The following RBM4B variants were observed in gnomAD, a reference collection of about 807,000 sequenced individuals.
The protein encoded by RBM4B is RNA binding motif protein 4B, also known as RNA-binding protein 4B.
Under a neutral mutation model 28.5 loss-of-function variants are expected in RBM4B, and 13 were observed. The ratio of observed to expected loss-of-function variants is 0.46; its 90% CI spans 0.30 to 0.72. The LOEUF (loss-of-function observed/expected upper bound fraction) is 0.72, where lower values mean the gene tolerates loss of function less well. Among genes scored for constraint, RBM4B ranks in the 30% least tolerant of loss-of-function variants. The pLI, the probability that RBM4B is intolerant of heterozygous loss-of-function variation, is 0.09. For synonymous variants in RBM4B, 167 were observed against 179.1 expected (o/e 0.93, Z 0.54); for missense variants, 387 against 477.6 (o/e 0.81, Z 1.77).
chr11:66,667,419 C>G (rs1430535744), intron 3 of RBM4B: 1 of 152,096 alleles, frequency 6.6e-6, no homozygotes, highest in Non-Finnish European at 1.5e-5. Context: ...TTCCTCTCTT[C>G]AACAACAAAA....
intron 2 of RBM4B, among the ~76,000 whole-genome samples, chr11:66,674,217 T>C (rs1205289119): frequency 6.6e-6 from 1 of 151,204 alleles, no homozygotes; most frequent in Non-Finnish European, 1.5e-5. Context: ...AGCTTTTCTT[T>C]TTCTTTTCTT....
intron 2 of RBM4B, 27 bp downstream of exon 2, chr11:66,676,641 C>G (rs777996612): frequency 6.0e-5 from 96 of 1,610,858 alleles, no homozygotes; most frequent in Non-Finnish European, 8.0e-5. Flanking sequence ...CCACTCGGCG[C>G]TACTACCCAG....
chr11:66,671,580 A>AT (rs1056477430), intron 2 of RBM4B, among the ~76,000 whole-genome samples: 7 of 152,196 alleles, frequency 4.6e-5, no homozygotes, highest in African/African-American at 1.7e-4. Flanking sequence ...TTCTGGGTCC[A>AT]TTTTTTGGAG....
At chr11:66,671,832 G>T (rs909320064) in intron 2 of RBM4B, among the ~76,000 whole-genome samples, 8 of 151,968 alleles carry the variant, frequency 5.3e-5, no homozygotes, top group African/African-American at 1.7e-4. Context: ...CCTCCACCTC[G>T]CGGGTTCAAG....
intron 2 of RBM4B, chr11:66,670,907 A>G (rs1474664290): frequency 5.7e-6 from 4 of 702,456 alleles, no homozygotes; most frequent in Non-Finnish European, 1.0e-5. Flanking sequence ...CCCCTCTGCA[A>G]TCAGCAAGTT....
Position 66,669,070 on chromosome 11 carries a change from T to C in RBM4B, c.634A>G (p.Asn212Asp), listed in dbSNP as rs1358178106. Residue 212 changes from asparagine (N) to aspartate (D), a missense_variant, in exon 3 of 4, where the codon AAC (asparagine) becomes GAC (aspartate). By Grantham distance (23) the Asn-to-Asp change is conservative (BLOSUM62 1). Coordinates refer to ENST00000310046, the MANE Select transcript of RBM4B (RefSeq NM_031492.4). ...TAGTCGAGTGCTCCATATGCATCGT[T>C]GTAATACATGGATTCCCCGTAGCCC... ...TMGYGESMYYNDAYGALDYYK... is the reference protein window; with the variant it reads ...TMGYGESMYYDDAYGALDYYK... The C allele has an allele frequency of 6.2e-7, 1 of 1,614,064 alleles. No individual in the cohort carries two copies. Among genetic ancestry groups the C allele is most frequent in the Non-Finnish European group, 8.5e-7 (1 of 1,180,042 alleles).
chr11:66,673,142 T>TA (rs1939524604), intron 2 of RBM4B, among the ~76,000 whole-genome samples: 1 of 151,490 alleles, frequency 6.6e-6, no homozygotes, highest in South Asian at 2.1e-4. Flanking sequence ...ATGTAGCTAA[T>TA]ACAGAGTAGT....
chr11:66,665,788 T>C, intron 3 of RBM4B: 2 of 1,390,544 alleles, frequency 1.4e-6, no homozygotes, highest in Non-Finnish European at 1.9e-6. Context: ...GCTATATATA[T>C]AGGACAAGAT....
At chr11:66,665,902 GCATA>G (rs1465011626) in intron 3 of RBM4B, 1 of 1,535,444 alleles carries the variant, frequency 6.5e-7, no homozygotes, top group Non-Finnish European at 8.7e-7. Context: ...GTAACAAAGG[GCATA>G]CATACATTTT....
intron 3 of RBM4B, 182 bp from the exon 4 acceptor site, chr11:66,665,760 T>A: frequency 7.7e-7 from 1 of 1,302,386 alleles, no homozygotes; most frequent in Non-Finnish European, 1.0e-6. Flanking sequence ...AATAGCTATA[T>A]ATAGGAATCC....
intron 1 of RBM4B, chr11:66,677,381 A>T (rs570648071): frequency 7.0e-5 from 32 of 459,430 alleles, no homozygotes; most frequent in Non-Finnish European, 1.1e-4. Context: ...AAAATGAGGG[A>T]AGAGAAAAGC....
intron 2 of RBM4B, among the ~76,000 whole-genome samples, chr11:66,672,770 T>A (rs1939510105): frequency 6.6e-6 from 1 of 152,200 alleles, no homozygotes; most frequent in Non-Finnish European, 1.5e-5. Flanking sequence ...GGGCTGGGAT[T>A]ACAGGCATGA....
chr11:66,676,706 A>G lies in RBM4B; in HGVS notation c.374T>C (p.Val125Ala). Residue 125 changes from valine to alanine, a missense_variant, in exon 2 of 4, where the codon GTG becomes GCG. Transcript: ENST00000310046. ...FVHMERAEDAVEAIRGLDNTE... is the reference protein window; with the variant it reads ...FVHMERAEDAAEAIRGLDNTE... ...GTTGTCAAGGCCCCTGATGGCCTCC[A>G]CTGCATCCTCTGCCCGCTCCATGTG... 2 of 1,614,020 alleles carry G rather than the reference A, an allele frequency of 1.2e-6. No individual in the cohort carries two copies. The highest frequency in any genetic ancestry group is 1.7e-6 in the Non-Finnish European group (2 of 1,179,958).
chr11:66,669,502 A>G (rs1939390689), intron 2 of RBM4B, among the ~76,000 whole-genome samples: 2 of 151,266 alleles, frequency 1.3e-5, no homozygotes, highest in African/African-American at 2.4e-5. Flanking sequence ...GCTGGAGTGC[A>G]GTGGCACAAT....
At chr11:66,673,604 G>T (rs536184482) in intron 2 of RBM4B, among the ~76,000 whole-genome samples, 30 of 152,278 alleles carry the variant, frequency 2.0e-4, no homozygotes, top group African/African-American at 6.7e-4. Context: ...GATTACAGGT[G>T]TGTGCCACCA....
intron 2 of RBM4B, among the ~76,000 whole-genome samples, chr11:66,672,406 T>TTA (rs1554972737): frequency 8.5e-5 from 5 of 59,028 alleles, no homozygotes; most frequent in East Asian, 6.0e-4. Context: ...CAAGACTGTC[T>TTA]AAAAAAAAAA....
chr11:66,676,693 C>G lies in RBM4B; in HGVS notation c.387G>C (p.Arg129Ser). ...ERAEDAVEAIRGLDNTEFQGK... is the reference protein window; with the variant it reads ...ERAEDAVEAISGLDNTEFQGK... ...CTTGAAACTCTGTGTTGTCAAGGCC[C>G]CTGATGGCCTCCACTGCATCCTCTG... is the stretch of plus-strand genomic sequence containing the variant. Residue 129 changes from arginine to serine, a missense_variant, in exon 2 of 4, where the codon AGG becomes AGC. Transcript: ENST00000310046. 6.2e-7 allele frequency: 1 copy of G among 1,614,046 alleles called. No individual in the cohort carries two copies. The highest frequency in any genetic ancestry group is 8.5e-7 in the Non-Finnish European group (1 of 1,179,956).
intron 1 of RBM4B, 54 bp from the exon 2 acceptor site, chr11:66,677,145 T>C: frequency 6.4e-7 from 1 of 1,574,210 alleles, no homozygotes; most frequent in Non-Finnish European, 8.6e-7. Flanking sequence ...GAAATTTCGG[T>C]GCACTGCAGC....
At chr11:66,670,218 T>C (rs1460625324) in intron 2 of RBM4B, among the ~76,000 whole-genome samples, 1 of 150,580 alleles carries the variant, frequency 6.6e-6, no homozygotes, top group African/African-American at 2.5e-5. Context: ...GATTTCAGTT[T>C]AGCCCACCAC....
Sources: gnomAD v4.1 joint callset for allele counts (sites outside exome capture counted in the v4.1 genomes callset) on GRCh38, gnomAD v4.1.1 for gene constraint, MANE v1.5 for transcripts, NCBI Gene and HGNC (gene_info 2026-07-23, HGNC 2026-07-21) for gene names.